LPP: variants seen among roughly 807,000 people sequenced by gnomAD.
LPP encodes lipoma-preferred partner.
Under a neutral mutation model 60.4 loss-of-function variants are expected in LPP, and 38 were observed. The ratio of observed to expected loss-of-function variants is 0.63; its 90% CI spans 0.49 to 0.83. The LOEUF (loss-of-function observed/expected upper bound fraction) is 0.83. LPP is among the 40% of genes least tolerant of loss of function. The probability of loss-of-function intolerance (pLI) is 0.00; values close to 1 mark genes in which losing one functional copy is unlikely to be tolerated. For missense variants in LPP, 902 were observed against 783.6 expected (o/e 1.15, Z -1.80); for synonymous variants, 328 against 290.8 (o/e 1.13, Z -1.30).
intron 1 of LPP, among the ~76,000 whole-genome samples, chr3:188,219,001 G>C (rs529279699): frequency 1.5e-5 from 2 of 137,218 alleles, no homozygotes; most frequent in East Asian, 4.9e-4. Context: ...GACAAATCCA[G>C]ATTTAGATCA....
rs972350006 is a variant in LPP, at chr3:188,311,638, TTTTTTTTTCTG to T, written c.-66-30009_-66-29999del. On this transcript the variant is annotated intron_variant, in intron 2 of 11. Transcript: ENST00000617246. Reference sequence around the variant, plus strand: ...TGATGTGCTATTGTCCAACATTTCTTTTTTTTTTCTGTTTTTTTTCTGTTTTCTGTCTTGCT... The same window carrying T: ...TGATGTGCTATTGTCCAACATTTCTTTTTTTTTTCTGTTTTCTGTCTTGCT... Among the ~76,000 whole-genome samples, 8 of 35,054 alleles carry T rather than the reference TTTTTTTTTCTG, an allele frequency of 2.3e-4. No individual in the cohort carries two copies. In the Admixed American group the frequency reaches 2.3e-3, roughly 10 times the overall value. 23.0% of individuals were successfully genotyped at this position (35,054 alleles called of 152,430 possible).
At chr3:188,376,012 G>A (rs1417752065) in intron 3 of LPP, among the ~76,000 whole-genome samples, 1 of 152,220 alleles carries the variant, frequency 6.6e-6, no homozygotes, top group Non-Finnish European at 1.5e-5. Flanking sequence ...TAGTTGAGCT[G>A]TTTTGAGTGA....
At chr3:188,275,684 CT>C (rs11370108) in intron 2 of LPP, among the ~76,000 whole-genome samples, 9 of 151,260 alleles carry the variant, frequency 6.0e-5, no homozygotes, top group Non-Finnish European at 8.8e-5. Context: ...ATTCCAGGAA[CT>C]TTTTTTTTCT....
chr3:188,792,920 A>C (rs775476115), intron 9 of LPP, among the ~76,000 whole-genome samples: 15 of 152,088 alleles, frequency 9.9e-5, no homozygotes, highest in Admixed American at 4.6e-4. Flanking sequence ...TGCGTGAAGG[A>C]AGATTTTTAT....
chr3:188,853,074 C>T (rs185932452), intron 9 of LPP, among the ~76,000 whole-genome samples: 17 of 152,078 alleles, frequency 1.1e-4, no homozygotes, highest in Admixed American at 7.9e-4. Flanking sequence ...CGCTTGAACC[C>T]GGGAAGTGGA....
chr3:188,531,737 C>G (rs1822230833), intron 6 of LPP, among the ~76,000 whole-genome samples: 1 of 152,186 alleles, frequency 6.6e-6, no homozygotes, highest in Non-Finnish European at 1.5e-5. Context: ...ACTTCATCAT[C>G]TGCCTGTCCA....
At position 188,876,069 on chromosome 3, in the gene LPP, T is replaced by G. The variant is rs1022928979; in HGVS notation, c.*1590T>G. The G allele has an allele frequency of 5.3e-6, 1 of 189,486 alleles. No homozygotes were observed. The highest frequency in any genetic ancestry group is 2.3e-5 in the African/African-American group (1 of 42,928). The allele number at this position is 189,486 out of a possible 1,614,324, so 11.7% of individuals were successfully genotyped here. On this transcript the variant is annotated 3_prime_UTR_variant, in exon 12 of 12. Transcript: ENST00000617246. Reference sequence around the variant, plus strand: ...TAACAAGTATAATTACATCCTCCAATGTACCGTTTCCTTATTCCACAGATA... The same window carrying G: ...TAACAAGTATAATTACATCCTCCAAGGTACCGTTTCCTTATTCCACAGATA...
chr3:188,197,138 A>G (rs561738632), intron 1 of LPP, among the ~76,000 whole-genome samples: 2 of 152,328 alleles, frequency 1.3e-5, no homozygotes, highest in South Asian at 2.1e-4. Flanking sequence ...TGAGATAAAA[A>G]TTCTAGCCAG....
chr3:188,389,955 C>A (rs1389374684), intron 3 of LPP, among the ~76,000 whole-genome samples: 1 of 152,090 alleles, frequency 6.6e-6, no homozygotes, highest in African/African-American at 2.4e-5. Flanking sequence ...GTGAGCAAAC[C>A]TGGAGTTTGG....
At chr3:188,215,356 A>T (rs1293436826) in intron 1 of LPP, among the ~76,000 whole-genome samples, 2 of 151,990 alleles carry the variant, frequency 1.3e-5, no homozygotes, top group Non-Finnish European at 2.9e-5. Context: ...AAATACATTC[A>T]TATTGCTGTG....
At chr3:188,839,618 A>G (rs566965717) in intron 9 of LPP, among the ~76,000 whole-genome samples, 64 of 152,238 alleles carry the variant, frequency 4.2e-4, no homozygotes, top group African/African-American at 1.4e-3. Context: ...CATTAAGAGT[A>G]AGTTGCTTCA....
intron 4 of LPP, among the ~76,000 whole-genome samples, chr3:188,441,714 A>G (rs1379988461): frequency 7.5e-6 from 1 of 133,508 alleles, no homozygotes; most frequent in Non-Finnish European, 1.5e-5. Context: ...TCTGCCTCCC[A>G]GGTTCACGCC....
chr3:188,221,305 A>G (rs1295100708), intron 1 of LPP, among the ~76,000 whole-genome samples: 2 of 152,178 alleles, frequency 1.3e-5, no homozygotes, highest in South Asian at 4.2e-4. Flanking sequence ...GAACTTTTAG[A>G]CCCTCAAAAG....
chr3:188,407,068 A>G (rs1221167670), intron 4 of LPP, among the ~76,000 whole-genome samples: 1 of 120,246 alleles, frequency 8.3e-6, no homozygotes, highest in African/African-American at 3.3e-5. Flanking sequence ...TCAAGAAAAA[A>G]TAACTTAAAA....
chr3:188,788,723 G>A (rs1432594505), intron 9 of LPP, among the ~76,000 whole-genome samples: 2 of 152,140 alleles, frequency 1.3e-5, no homozygotes, highest in Non-Finnish European at 2.9e-5. Context: ...CATCAAAGGG[G>A]TAGCAGTGGG....
At chr3:188,434,322 T>C (rs1203178740) in intron 4 of LPP, among the ~76,000 whole-genome samples, 3 of 152,168 alleles carry the variant, frequency 2.0e-5, no homozygotes, top group Non-Finnish European at 2.9e-5. Flanking sequence ...TATATATTTT[T>C]TCATATATAG....
intron 1 of LPP, among the ~76,000 whole-genome samples, chr3:188,186,736 AT>A (rs1726714914): frequency 6.6e-6 from 1 of 151,972 alleles, no homozygotes; most frequent in Non-Finnish European, 1.5e-5. Context: ...ACTTGTAACC[AT>A]TTTTTGTTTT....
intron 1 of LPP, among the ~76,000 whole-genome samples, chr3:188,220,031 G>A (rs780223976): frequency 1.3e-5 from 2 of 152,172 alleles, no homozygotes; most frequent in Admixed American, 6.5e-5. Context: ...ACAAATGTAT[G>A]CTGCATATGA....
intron 2 of LPP, among the ~76,000 whole-genome samples, chr3:188,278,767 TG>T (rs1319150082): frequency 6.6e-6 from 1 of 151,084 alleles, no homozygotes; most frequent in Non-Finnish European, 1.5e-5. Context: ...GAAAGGAGAG[TG>T]AGGTTGGAGA....
Sources: allele counts gnomAD v4.1 joint callset (sites outside exome capture counted in the v4.1 genomes callset), GRCh38; gene constraint gnomAD v4.1.1; transcripts MANE v1.5; gene names NCBI Gene and HGNC (gene_info 2026-07-23, HGNC 2026-07-21).